The following TAF1B variants were observed in gnomAD, a reference collection of about 807,000 sequenced individuals.
TAF1B encodes TATA-box binding protein associated factor, RNA polymerase I subunit B, also known as TATA box-binding protein-associated factor RNA polymerase I subunit B.
Under a neutral mutation model 83.9 loss-of-function variants are expected in TAF1B, and 61 were observed. The ratio of observed to expected loss-of-function variants is 0.73; its 90% CI spans 0.59 to 0.90. The LOEUF is 0.90. TAF1B is among the 40% of genes least tolerant of loss of function. TAF1B has a pLI of 0.00. For missense variants in TAF1B, 625 were observed against 677.0 expected, an observed-to-expected ratio of 0.92 and a Z score of 0.85; for synonymous variants, 221 against 224.6, an observed-to-expected ratio of 0.98 and a Z score of 0.14.
At position 9,893,053 on chromosome 2, in the gene TAF1B, G is replaced by A. The variant is rs144541256; in HGVS notation, c.807+10248G>A. ...AAATTACATCTTGGTAGCAACCACTGCACTTTGCTTTTTTTCACTTACATC... is the reference window on the plus strand; with the variant it reads ...AAATTACATCTTGGTAGCAACCACTACACTTTGCTTTTTTTCACTTACATC... On this transcript the variant is annotated intron_variant, in intron 8 of 14. Coordinates refer to ENST00000263663, the MANE Select transcript of TAF1B (RefSeq NM_005680.3). Among the ~76,000 whole-genome samples, 26 of 152,284 alleles carry A rather than the reference G, an allele frequency of 1.7e-4. No individual in the cohort carries two copies. In the East Asian group the frequency reaches 4.2e-3, roughly 25 times the overall value.
intron 14 of TAF1B, among the ~76,000 whole-genome samples, chr2:9,923,505 C>T (rs1428549819): frequency 6.6e-6 from 1 of 151,886 alleles, no homozygotes; most frequent in Non-Finnish European, 1.5e-5. Flanking sequence ...ATGGAGAAAC[C>T]CCTGTCTCTA....
At chr2:9,877,391 T>C (rs955044979) in intron 7 of TAF1B, among the ~76,000 whole-genome samples, 2 of 152,184 alleles carry the variant, frequency 1.3e-5, no homozygotes, top group African/African-American at 4.8e-5. Flanking sequence ...CCCTGTTGCA[T>C]CCTATCCAGA....
At chr2:9,848,700 C>T (rs138163071) in intron 2 of TAF1B, among the ~76,000 whole-genome samples, 1,762 of 151,552 alleles carry the variant, frequency 0.012, 24 homozygotes, top group Middle Eastern at 0.034. Flanking sequence ...ATAATGGGAA[C>T]ATTTATTCTA....
At chr2:9,875,606 A>G (rs970576439) in intron 6 of TAF1B, among the ~76,000 whole-genome samples, 1 of 152,028 alleles carries the variant, frequency 6.6e-6, no homozygotes, top group Non-Finnish European at 1.5e-5. Context: ...ACCCTTTATA[A>G]AACTATCAGA....
intron 14 of TAF1B, among the ~76,000 whole-genome samples, chr2:9,924,893 G>A (rs1345084712): frequency 6.6e-6 from 1 of 152,148 alleles, no homozygotes; most frequent in Non-Finnish European, 1.5e-5. Flanking sequence ...CTTCCTAGCT[G>A]AGGCAGAGTT....
At chr2:9,894,915 A>G (rs1409245411) in intron 8 of TAF1B, among the ~76,000 whole-genome samples, 2 of 152,220 alleles carry the variant, frequency 1.3e-5, no homozygotes, top group Non-Finnish European at 2.9e-5. Context: ...GAACATGGCT[A>G]TGCAACAATC....
intron 8 of TAF1B, among the ~76,000 whole-genome samples, chr2:9,889,383 A>G (rs1300661751): frequency 6.6e-6 from 1 of 152,080 alleles, no homozygotes; most frequent in Middle Eastern, 3.2e-3. Flanking sequence ...TGTGTCATTA[A>G]ACCCATTCAA....
At chr2:9,886,209 CA>C (rs200539806) in intron 8 of TAF1B, among the ~76,000 whole-genome samples, 90 of 144,960 alleles carry the variant, frequency 6.2e-4, no homozygotes, top group Admixed American at 1.6e-3. Context: ...CTGTTTGGAT[CA>C]AAAAAAAAAA....
chr2:9,925,694 A>G (rs1256639766), intron 14 of TAF1B, among the ~76,000 whole-genome samples: 1 of 151,614 alleles, frequency 6.6e-6, no homozygotes, highest in African/African-American at 2.4e-5. Flanking sequence ...CTTGTGCCTC[A>G]GCCTCCCGAG....
At chr2:9,859,552 A>G (rs1222556876) in intron 5 of TAF1B, among the ~76,000 whole-genome samples, 1 of 151,696 alleles carries the variant, frequency 6.6e-6, no homozygotes, top group Non-Finnish European at 1.5e-5. Flanking sequence ...ATGCCCAACT[A>G]CTTTTTTGTA....
In TAF1B at chr2:9,845,324, T is replaced by A. The variant is rs760889704; in HGVS notation, c.117+6T>A. 6.2e-6 allele frequency: 10 copies of A among 1,608,644 alleles called. 1 individual carries two copies. The African/African-American group carries it at 1.3e-4, about 21-fold the overall frequency. The stretch of plus-strand genomic sequence containing the variant: ...CTTGCCACAATGTTACAGAGGTAAG[T>A]AACAAATATCATTTATGAATTTGCT... On this transcript the variant is annotated splice_donor_region_variant and intron_variant, in intron 2 of 14. Transcript: ENST00000263663.
intron 8 of TAF1B, 39 bp downstream of exon 8, chr2:9,882,844 G>C (rs775278189): frequency 2.1e-6 from 3 of 1,403,224 alleles, no homozygotes; most frequent in Non-Finnish European, 3.0e-6. Flanking sequence ...TCTCTGATAA[G>C]GCACAAGAGT....
At chr2:9,853,375 T>C (rs1327518464) in intron 4 of TAF1B, among the ~76,000 whole-genome samples, 1 of 152,206 alleles carries the variant, frequency 6.6e-6, no homozygotes, top group Non-Finnish European at 1.5e-5. Flanking sequence ...AATGGTAAAA[T>C]GAAGCTAATA....
chr2:9,923,999 TCA>T (rs150375478), intron 14 of TAF1B, among the ~76,000 whole-genome samples: 7,387 of 152,294 alleles, frequency 0.049, 235 homozygotes, highest in Non-Finnish European at 0.073. Flanking sequence ...GTGGATTATC[TCA>T]GATTTAATAC....
intron 6 of TAF1B, among the ~76,000 whole-genome samples, chr2:9,870,034 G>T (rs1021875943): frequency 3.3e-5 from 5 of 151,934 alleles, no homozygotes; most frequent in Non-Finnish European, 5.9e-5. Context: ...TATACGGAAA[G>T]AATTTATTTT....
chr2:9,844,563 A>G (rs1663139383), intron 1 of TAF1B: 1 of 152,408 alleles, frequency 6.6e-6, no homozygotes, highest in Admixed American at 6.5e-5. Flanking sequence ...AGGCCTGTAT[A>G]TACAGGAGCA....
At chr2:9,913,307 C>G in intron 12 of TAF1B, 58 bp downstream of exon 12, 2 of 1,400,042 alleles carry the variant, frequency 1.4e-6, no homozygotes, top group Non-Finnish European at 1.0e-6. Flanking sequence ...TGTTACTTTA[C>G]ATTTGAAAGC....
At chr2:9,867,106 G>T (rs1279638205) in intron 5 of TAF1B, among the ~76,000 whole-genome samples, 1 of 152,086 alleles carries the variant, frequency 6.6e-6, no homozygotes, top group Non-Finnish European at 1.5e-5. Flanking sequence ...TTTAAATAAA[G>T]TGGGATAAAT....
chr2:9,926,841 A>G (rs1360740198), intron 14 of TAF1B, among the ~76,000 whole-genome samples: 3 of 151,044 alleles, frequency 2.0e-5, no homozygotes, highest in South Asian at 4.2e-4. Context: ...GGCAGTTAAC[A>G]TTAGTTAGAG....
Sources: gnomAD v4.1 joint callset for allele counts (sites outside exome capture counted in the v4.1 genomes callset) on GRCh38, gnomAD v4.1.1 for gene constraint, MANE v1.5 for transcripts, NCBI Gene and HGNC (gene_info 2026-07-23, HGNC 2026-07-21) for gene names.